The following PLXNA2 variants were observed in gnomAD, a reference collection of about 807,000 sequenced individuals.
The protein encoded by PLXNA2 is plexin A2.
Under a neutral mutation model 193.5 loss-of-function variants are expected in PLXNA2, and 91 were observed. The ratio of observed to expected loss-of-function variants is 0.47; its 90% CI spans 0.40 to 0.56. PLXNA2 has a LOEUF of 0.56. Ranked by LOEUF, PLXNA2 falls within the 20% of genes least tolerant of loss-of-function variation. The pLI is 0.00. For missense variants in PLXNA2, 1,995 were observed against 2,503.2 expected (o/e 0.80, Z 4.33); for synonymous variants, 997 against 1,027.3 (o/e 0.97, Z 0.56).
intron 4 of PLXNA2, among the ~76,000 whole-genome samples, chr1:208,129,568 C>T (rs1668084094): frequency 6.6e-6 from 1 of 152,222 alleles, no homozygotes; most frequent in African/African-American, 2.4e-5. Context: ...ATATACCAAA[C>T]TCTCTCACAC....
At chr1:208,137,301 T>C (rs750928828) in intron 4 of PLXNA2, among the ~76,000 whole-genome samples, 1 of 152,214 alleles carries the variant, frequency 6.6e-6, no homozygotes. Flanking sequence ...TAATGCAAAC[T>C]AATTAAAGTA....
intron 4 of PLXNA2, among the ~76,000 whole-genome samples, chr1:208,138,216 A>C (rs572359096): frequency 1.3e-4 from 20 of 152,338 alleles, no homozygotes; most frequent in Non-Finnish European, 2.6e-4. Context: ...ATTGTACTTC[A>C]AGTATCCATG....
At chr1:208,042,492 C>A (rs1571853728) in intron 21 of PLXNA2, 126 bp from the exon 22 acceptor site, 1 of 900,334 alleles carries the variant, frequency 1.1e-6, no homozygotes, top group South Asian at 1.7e-5. Flanking sequence ...AGGCCTATAA[C>A]CAACCCCACC....
chr1:208,038,752 G>T lies in PLXNA2; in HGVS notation c.4660+73C>A. On this transcript the variant is annotated intron_variant, in intron 25 of 31. Transcript: ENST00000367033. The surrounding 1 kb of genome is among the most constrained non-coding windows in gnomAD (Gnocchi z 4.1). ...AGGACACAGTCATGCCCCTGCAAGG[G>T]TTGTGTGCATGGCAGCTTCCCTTCC... 2.7e-6 allele frequency: 4 copies of T among 1,477,374 alleles called. No homozygotes were observed. The highest frequency in any genetic ancestry group is 3.7e-6 in the Non-Finnish European group (4 of 1,068,718). The allele number at this position is 1,477,374 out of a possible 1,614,324, so 91.5% of individuals were successfully genotyped here.
At chr1:208,211,563 T>G (rs374584865) in intron 2 of PLXNA2, among the ~76,000 whole-genome samples, 24 of 151,962 alleles carry the variant, frequency 1.6e-4, no homozygotes, top group East Asian at 5.8e-4. Context: ...CGTGGTGGTG[T>G]GTGCCTGTAG....
At chr1:208,048,939 C>A (rs12410898) in intron 17 of PLXNA2, among the ~76,000 whole-genome samples, 3,802 of 152,278 alleles carry the variant, frequency 0.025, 116 homozygotes, top group East Asian at 0.11. Context: ...CCAATCCAGA[C>A]CCCACAGCTC....
At chr1:208,057,882 G>A (rs1489862569) in intron 13 of PLXNA2, among the ~76,000 whole-genome samples, 5 of 152,144 alleles carry the variant, frequency 3.3e-5, no homozygotes, top group Non-Finnish European at 7.3e-5. Flanking sequence ...TACTGGTTTG[G>A]ACATCTAGAG....
intron 4 of PLXNA2, among the ~76,000 whole-genome samples, chr1:208,131,856 C>G (rs1485403332): frequency 6.6e-6 from 1 of 152,110 alleles, no homozygotes; most frequent in Non-Finnish European, 1.5e-5. Flanking sequence ...TAGGGGAGGG[C>G]GAGCAGTCCA....
At position 208,244,004 on chromosome 1, in the gene PLXNA2, AT is replaced by A; in HGVS notation, c.-443del. The A allele has an allele frequency of 6.6e-6, 1 of 152,246 alleles. No individual in the cohort carries two copies. The highest frequency in any genetic ancestry group is 1.5e-5 in the Non-Finnish European group (1 of 68,124). The allele number at this position is 152,246 out of a possible 1,614,324, so 9.4% of individuals were successfully genotyped here. On this transcript the variant is annotated 5_prime_UTR_variant, in exon 1 of 32. It introduces an in-frame stop codon into an upstream open reading frame of the 5' UTR. Coordinates refer to ENST00000367033, the MANE Select transcript of PLXNA2 (RefSeq NM_025179.4). ...GAAGCAGAGCCCCGGCTGTCTTCAG[AT>A]TTTTCCAGCGCGACTTTCCGGGCTC... is the stretch of plus-strand genomic sequence containing the variant.
intron 3 of PLXNA2, among the ~76,000 whole-genome samples, chr1:208,145,434 TG>T (rs1668575716): frequency 6.6e-6 from 1 of 152,244 alleles, no homozygotes; most frequent in Non-Finnish European, 1.5e-5. Context: ...AACCCTCTGC[TG>T]GCTGGAATAG....
intron 3 of PLXNA2, among the ~76,000 whole-genome samples, chr1:208,207,185 T>C (rs1670758224): frequency 6.6e-6 from 1 of 152,196 alleles, no homozygotes; most frequent in Non-Finnish European, 1.5e-5. Flanking sequence ...TTTGTATTTT[T>C]AGTAGAGACG....
rs758375152 is a variant in PLXNA2, at chr1:208,043,207, T to C, written c.3875-4A>G. 24 of 1,613,440 alleles carry C rather than the reference T, an allele frequency of 1.5e-5. No individual in the cohort carries two copies. The highest frequency in any genetic ancestry group is 2.0e-5 in the Non-Finnish European group (24 of 1,179,590). On this transcript the variant is annotated splice_polypyrimidine_tract_variant and splice_region_variant and intron_variant, in intron 20 of 31. Transcript: ENST00000367033. The stretch of plus-strand genomic sequence containing the variant: ...TCCGTCTGGAGCTCAGCAAAAGCTA[T>C]GAGAATAAGCAGACGGAGAGGCTCG...
chr1:208,077,022 T>C lies in PLXNA2; in HGVS notation c.2586+2238A>G, dbSNP rs188426922. 4.6e-3 allele frequency among the ~76,000 whole-genome samples: 706 copies of C among 152,044 alleles called. 22 individuals carry two copies. Among genetic ancestry groups the C allele is most frequent in the Admixed American group, 0.041 (620 of 15,276 alleles). ...AATGACTTTCACAGGGAAAGGAGGATGGGGTAGGGGTAGGAGAAAATGAAA... is the reference window on the plus strand; with the variant it reads ...AATGACTTTCACAGGGAAAGGAGGACGGGGTAGGGGTAGGAGAAAATGAAA... On this transcript the variant is annotated intron_variant, in intron 12 of 31. Coordinates refer to ENST00000367033, the MANE Select transcript of PLXNA2 (RefSeq NM_025179.4).
chr1:208,202,571 G>A (rs531186050), intron 3 of PLXNA2, among the ~76,000 whole-genome samples: 1 of 152,284 alleles, frequency 6.6e-6, no homozygotes, highest in East Asian at 1.9e-4. Context: ...GGTGGTCTTT[G>A]TAAGTCCCTT....
chr1:208,114,543 A>G (rs1667581307), intron 4 of PLXNA2, among the ~76,000 whole-genome samples: 1 of 152,246 alleles, frequency 6.6e-6, no homozygotes, highest in Non-Finnish European at 1.5e-5. Context: ...AAACTGTTGT[A>G]TGACTCTGAG....
intron 3 of PLXNA2, among the ~76,000 whole-genome samples, chr1:208,155,078 A>G (rs1231048773): frequency 6.6e-6 from 1 of 152,198 alleles, no homozygotes; most frequent in African/African-American, 2.4e-5. Context: ...CCAAGGGAGC[A>G]GGACTGCGGG....
chr1:208,078,061 A>G (rs1180449902), intron 12 of PLXNA2, among the ~76,000 whole-genome samples: 1 of 152,204 alleles, frequency 6.6e-6, no homozygotes, highest in East Asian at 1.9e-4. Flanking sequence ...AAATGGTTTT[A>G]TAATTAAATA....
At chr1:208,105,582 C>T (rs12085015) in intron 4 of PLXNA2, among the ~76,000 whole-genome samples, 31,496 of 152,126 alleles carry the variant, frequency 0.21, 3,598 homozygotes, top group Admixed American at 0.28. Flanking sequence ...CAATTCACAC[C>T]GCCTTAAAGA....
chr1:208,095,587 C>A (rs991683612), intron 8 of PLXNA2, among the ~76,000 whole-genome samples: 5 of 152,284 alleles, frequency 3.3e-5, no homozygotes, highest in Admixed American at 3.3e-4. Context: ...CCCTTCCCTG[C>A]TCCTCCTCTG....
Sources: allele counts gnomAD v4.1 joint callset (sites outside exome capture counted in the v4.1 genomes callset), GRCh38; gene constraint gnomAD v4.1.1; non-coding constraint Gnocchi (gnomAD v3.1); transcripts MANE v1.5; gene names NCBI Gene and HGNC (gene_info 2026-07-23, HGNC 2026-07-21).